The following ATF6 variants were observed in gnomAD, a reference collection of about 807,000 sequenced individuals.
ATF6 encodes the protein cyclic AMP-dependent transcription factor ATF-6 alpha.
In ATF6, 53 loss-of-function variants were observed where a neutral mutation model predicts 83.6. That is an observed-to-expected ratio of 0.63 (90% CI 0.51 to 0.80). ATF6 has a LOEUF of 0.80. ATF6 is among the 30% of genes least tolerant of loss of function. The pLI, the probability that ATF6 is intolerant of heterozygous loss-of-function variation, is 0.00. For missense variants in ATF6, 744 were observed against 797.9 expected, an observed-to-expected ratio of 0.93 and a Z score of 0.81; for synonymous variants, 288 against 285.8, an observed-to-expected ratio of 1.01 and a Z score of -0.08.
chr1:161,957,161 C>T (rs1688983318), intron 15 of ATF6, among the ~76,000 whole-genome samples: 1 of 124,652 alleles, frequency 8.0e-6, no homozygotes, highest in South Asian at 2.7e-4. Flanking sequence ...TTGGCATGCT[C>T]AGTGTCAAAG....
At chr1:161,924,547 A>G (rs554247107) in intron 15 of ATF6, among the ~76,000 whole-genome samples, 1 of 152,254 alleles carries the variant, frequency 6.6e-6, no homozygotes, top group Non-Finnish European at 1.5e-5. Context: ...CCAAGTATCC[A>G]TAGAGATATT....
intron 4 of ATF6, among the ~76,000 whole-genome samples, chr1:161,789,070 C>G (rs765938573): frequency 6.6e-6 from 1 of 151,834 alleles, no homozygotes; most frequent in Non-Finnish European, 1.5e-5. Context: ...TGTTTTGACA[C>G]AGGCATGCAA....
rs928470568 is a variant in ATF6 at position 161,777,700 on chromosome 1, A to G, written c.83-544A>G. 5.3e-5 allele frequency among the ~76,000 whole-genome samples: 8 copies of G among 152,240 alleles called. No homozygotes were observed. The East Asian group carries it at 1.2e-3, about 22-fold the overall frequency. ...ATTTCTTGATTTGTAATGAAACCTC[A>G]TTAGGAAATTGGAATATAGTTAGAT... On this transcript the variant is annotated intron_variant, in intron 1 of 15. Coordinates refer to ENST00000367942, the MANE Select transcript of ATF6 (RefSeq NM_007348.4).
At chr1:161,957,910 A>G (rs1414462215) in intron 15 of ATF6, among the ~76,000 whole-genome samples, 2 of 152,232 alleles carry the variant, frequency 1.3e-5, no homozygotes, top group African/African-American at 4.8e-5. Flanking sequence ...GCAAACCTTT[A>G]AATTCATAGT....
chr1:161,776,778 G>C (rs1684524445), intron 1 of ATF6, among the ~76,000 whole-genome samples: 1 of 152,192 alleles, frequency 6.6e-6, no homozygotes, highest in Non-Finnish European at 1.5e-5. Context: ...CATACTCACT[G>C]CACATGCATC....
chr1:161,820,527 C>T (rs527899762), intron 8 of ATF6, among the ~76,000 whole-genome samples: 2 of 152,096 alleles, frequency 1.3e-5, no homozygotes, highest in Admixed American at 6.6e-5. Context: ...CTGAGGCAGG[C>T]GGATCACAAG....
intron 15 of ATF6, among the ~76,000 whole-genome samples, chr1:161,944,064 A>G (rs943381060): frequency 3.9e-5 from 6 of 152,206 alleles, no homozygotes; most frequent in Non-Finnish European, 7.3e-5. Context: ...AAGCTAAGTG[A>G]GTTTCCCCAA....
At chr1:161,880,168 CAT>C (rs1687292823) in intron 14 of ATF6, among the ~76,000 whole-genome samples, 2 of 152,150 alleles carry the variant, frequency 1.3e-5, no homozygotes, top group Admixed American at 1.3e-4. Context: ...TATTATTTAA[CAT>C]AGTTTCAAAA....
chr1:161,910,200 G>A (rs1196305943), intron 14 of ATF6, among the ~76,000 whole-genome samples: 1 of 152,096 alleles, frequency 6.6e-6, no homozygotes, highest in Non-Finnish European at 1.5e-5. Context: ...TAGATAAAAT[G>A]TATATATTAT....
chr1:161,819,891 A>G (rs1463438798), intron 8 of ATF6, 73 bp downstream of exon 8: 12 of 1,294,948 alleles, frequency 9.3e-6, no homozygotes, highest in Non-Finnish European at 8.2e-6. Flanking sequence ...AGAAACTTTT[A>G]CATTTTAAAT....
intron 15 of ATF6, among the ~76,000 whole-genome samples, chr1:161,946,215 G>A (rs141984831): frequency 2.2e-4 from 33 of 152,162 alleles, no homozygotes; most frequent in African/African-American, 7.2e-4. Flanking sequence ...AGCTGCTCTC[G>A]AACTCCTGGG....
At chr1:161,914,642 T>TTA (rs1301481614) in intron 15 of ATF6, among the ~76,000 whole-genome samples, 3 of 152,170 alleles carry the variant, frequency 2.0e-5, no homozygotes, top group Non-Finnish European at 4.4e-5. Context: ...TGACTGTTAC[T>TTA]TACTCTCTTA....
chr1:161,802,577 C>T (rs1332827507), intron 7 of ATF6, among the ~76,000 whole-genome samples: 1 of 152,200 alleles, frequency 6.6e-6, no homozygotes, highest in Non-Finnish European at 1.5e-5. Flanking sequence ...CAAGCCCTTA[C>T]ACCCTCAACC....
At chr1:161,780,646 T>TGTGTA (rs1348713267) in intron 2 of ATF6, among the ~76,000 whole-genome samples, 1 of 152,202 alleles carries the variant, frequency 6.6e-6, no homozygotes, top group Non-Finnish European at 1.5e-5. Context: ...GTGCTGGGAT[T>TGTGTA]ACAGGCGTGA....
At chr1:161,874,862 G>T (rs572066519) in intron 14 of ATF6, among the ~76,000 whole-genome samples, 1 of 151,728 alleles carries the variant, frequency 6.6e-6, no homozygotes, top group African/African-American at 2.4e-5. Flanking sequence ...GATGTATGTA[G>T]GTATGTTTGC....
chr1:161,792,128 T>G lies in ATF6; in HGVS notation c.489T>G (p.Asn163Lys). The G allele has an allele frequency of 6.2e-7, 1 of 1,613,668 alleles. No individual in the cohort carries two copies. The highest frequency in any genetic ancestry group is 8.5e-7 in the Non-Finnish European group (1 of 1,179,984). The part of the protein sequence containing the change: ...PVTGPRNKTE[N>K]GLTPKKKIQV... ...GTTTGTCTGGTTTTTCTCCAGAAAA[T>G]GGACTGACTCCAAAGAAAAAAATTC... Residue 163 changes from asparagine to lysine, a missense_variant, in exon 6 of 16, where the codon AAT becomes AAG. Asn to Lys is a moderately conservative substitution (Grantham distance 94). Coordinates refer to ENST00000367942, the MANE Select transcript of ATF6 (RefSeq NM_007348.4).
At chr1:161,849,405 G>A (rs1035167583) in intron 10 of ATF6, among the ~76,000 whole-genome samples, 3 of 152,070 alleles carry the variant, frequency 2.0e-5, no homozygotes, top group African/African-American at 4.8e-5. Flanking sequence ...CTTTTCTCTC[G>A]TGTGTGGCAT....
chr1:161,926,408 C>T (rs1688309796), intron 15 of ATF6, among the ~76,000 whole-genome samples: 3 of 152,110 alleles, frequency 2.0e-5, no homozygotes, highest in Admixed American at 1.3e-4. Context: ...TTGACTGGGG[C>T]TGAAGACTTG....
rs144538357 is a variant in ATF6 at position 161,904,897 on chromosome 1, A to T, written c.1720-7399A>T. 1.1e-4 allele frequency among the ~76,000 whole-genome samples: 16 copies of T among 152,334 alleles called. No individual in the cohort carries two copies. The East Asian group carries it at 2.9e-3, about 28-fold the overall frequency. On this transcript the variant is annotated intron_variant, in intron 14 of 15. Coordinates refer to ENST00000367942, the MANE Select transcript of ATF6 (RefSeq NM_007348.4). The stretch of plus-strand genomic sequence containing the variant: ...ATCCTGAGAGAAAATTTGTTCACTG[A>T]TGTACATAAAGCATATTATGGTTAA...
Sources: allele counts gnomAD v4.1 joint callset (sites outside exome capture counted in the v4.1 genomes callset), GRCh38; gene constraint gnomAD v4.1.1; transcripts MANE v1.5; gene names NCBI Gene and HGNC (gene_info 2026-07-23, HGNC 2026-07-21).